Variants in TBL1X observed in about 807,000 individuals in gnomAD.
The protein encoded by TBL1X is F-box-like/WD repeat-containing protein TBL1X.
A neutral mutation model predicts 50.7 loss-of-function variants in TBL1X; 10 were observed. The ratio of observed to expected loss-of-function variants is 0.20; its 90% CI spans 0.12 to 0.33. The LOEUF is 0.33. TBL1X is among the 10% of genes least tolerant of loss of function. The pLI, the probability that TBL1X is intolerant of heterozygous loss-of-function variation, is 1.00. For synonymous variants in TBL1X, 190 were observed against 214.7 expected (o/e 0.88, Z 1.01); for missense variants, 340 against 504.4 (o/e 0.67, Z 3.12).
chrX:9,577,406 C>T (rs756312090), intron 2 of TBL1X, among the ~76,000 whole-genome samples: 25 of 111,926 alleles, frequency 2.2e-4, no homozygotes, highest in Non-Finnish European at 3.4e-4. Flanking sequence ...CTGGAAGAGC[C>T]GGCCCCACCT....
At chrX:9,475,963 G>A (rs2081847080) in intron 1 of TBL1X, among the ~76,000 whole-genome samples, 1 of 112,346 alleles carries the variant, frequency 8.9e-6, no homozygotes, top group African/African-American at 3.2e-5. Flanking sequence ...AGTACTTGTA[G>A]ATTTCCGTGT....
In TBL1X at chrX:9,487,520, GTGGAACAA is replaced by G. The variant is rs1198113334; in HGVS notation, c.-200-14257_-200-14250del. ...TCAAAACCCCAGGTGATTAAGGAAGGTGGAACAATGTTCTGAGATAAGTCAGCCAGAGA... is the reference window on the plus strand; with the variant it reads ...TCAAAACCCCAGGTGATTAAGGAAGGTGTTCTGAGATAAGTCAGCCAGAGA... On this transcript the variant is annotated intron_variant, in intron 1 of 17. Coordinates refer to ENST00000645353, the MANE Select transcript of TBL1X (RefSeq NM_005647.4). 7.1e-5 allele frequency among the ~76,000 whole-genome samples: 8 copies of G among 112,152 alleles called. No individual in the cohort carries two copies. The South Asian group carries it at 2.9e-3, about 41-fold the overall frequency.
At position 9,491,338 on chromosome X, in the gene TBL1X, A is replaced by ATTT. The variant is rs1157943868; in HGVS notation, c.-200-10428_-200-10426dup. ...TATATATATATATATATATATATAT[A>ATTT]TTTTTTTTTTTTTTTTCTTTGAGAC... On this transcript the variant is annotated intron_variant, in intron 1 of 17. Transcript: ENST00000645353. Among the ~76,000 whole-genome samples the ATTT allele has an allele frequency of 6.4e-3, 201 of 31,285 alleles. 8 individuals are homozygous for ATTT. Among genetic ancestry groups the ATTT allele is most frequent in the Non-Finnish European group, 8.5e-3 (151 of 17,737 alleles). The allele number at this position is 31,285 out of a possible 115,157, so 27.2% of individuals were successfully genotyped here.
At chrX:9,605,457 T>C (rs1318868879) in intron 2 of TBL1X, among the ~76,000 whole-genome samples, 1 of 112,689 alleles carries the variant, frequency 8.9e-6, no homozygotes, top group Non-Finnish European at 1.9e-5. Context: ...TCATGCAATA[T>C]GATAGAAGAG....
intron 1 of TBL1X, among the ~76,000 whole-genome samples, chrX:9,477,424 T>C (rs2081855428): frequency 8.9e-6 from 1 of 112,422 alleles, no homozygotes; most frequent in Admixed American, 9.4e-5. Context: ...AAATTCTTTC[T>C]GTCCACACCA....
chrX:9,620,793 C>T (rs2283690), intron 2 of TBL1X, among the ~76,000 whole-genome samples: 8 of 110,336 alleles, frequency 7.3e-5, no homozygotes, highest in African/African-American at 2.7e-4. Flanking sequence ...GGACCTGAAA[C>T]CCCCCAGCAG....
intron 16 of TBL1X, among the ~76,000 whole-genome samples, chrX:9,714,105 C>T (rs1010664990): frequency 8.9e-6 from 1 of 111,911 alleles, no homozygotes; most frequent in African/African-American, 3.3e-5. Flanking sequence ...TGAGCCACCT[C>T]GCCTGGCCTT....
chrX:9,479,041 A>T (rs2081864901), intron 1 of TBL1X, among the ~76,000 whole-genome samples: 1 of 113,100 alleles, frequency 8.8e-6, no homozygotes, highest in Non-Finnish European at 1.9e-5. Flanking sequence ...GTGTACAGAT[A>T]CTGTTTTAAA....
At chrX:9,491,334 ATATAT>A (rs1421057478) in intron 1 of TBL1X, among the ~76,000 whole-genome samples, 19 of 23,379 alleles carry the variant, frequency 8.1e-4, no homozygotes, top group African/African-American at 3.5e-3. Flanking sequence ...ATATATATAT[ATATAT>A]TTTTTTTTTT....
chrX:9,618,164 C>G (rs1271395974), intron 2 of TBL1X, among the ~76,000 whole-genome samples: 1 of 111,494 alleles, frequency 9.0e-6, no homozygotes, highest in African/African-American at 3.3e-5. Context: ...GAGGCGGCGT[C>G]TGACATGTAA....
At chrX:9,490,837 G>A (rs1470621137) in intron 1 of TBL1X, among the ~76,000 whole-genome samples, 3 of 111,756 alleles carry the variant, frequency 2.7e-5, no homozygotes, top group East Asian at 2.8e-4. Flanking sequence ...TAAATGGACC[G>A]TTTATTTGGT....
At chrX:9,703,107 G>A (rs773043768) in intron 12 of TBL1X, among the ~76,000 whole-genome samples, 1 of 111,223 alleles carries the variant, frequency 9.0e-6, no homozygotes, top group Admixed American at 9.5e-5. Context: ...CATTCCTTTT[G>A]ATAGTCAGGG....
In TBL1X at chrX:9,697,569, C is replaced by G. The variant is rs1168790232; in HGVS notation, c.1114+140C>G. 4 of 832,175 alleles carry G rather than the reference C, an allele frequency of 4.8e-6. No individual in the cohort carries two copies. In the African/African-American group the frequency reaches 8.3e-5, roughly 17 times the overall value. The allele number at this position is 832,175 out of a possible 1,213,427, so 68.6% of individuals were successfully genotyped here. On this transcript the variant is annotated intron_variant, in intron 12 of 17. Coordinates refer to ENST00000645353, the MANE Select transcript of TBL1X (RefSeq NM_005647.4). Reference sequence around the variant, plus strand: ...GGTGGATTGCATGAGGTCAGGAGTTCAAGACCAGCCTGGGCAACATGGCAA... The same window carrying G: ...GGTGGATTGCATGAGGTCAGGAGTTGAAGACCAGCCTGGGCAACATGGCAA...
chrX:9,506,300 C>A (rs1216760459), intron 2 of TBL1X, among the ~76,000 whole-genome samples: 1 of 111,427 alleles, frequency 9.0e-6, no homozygotes, highest in African/African-American at 3.3e-5. Flanking sequence ...ACAGCTAAAG[C>A]AGTGTTAATA....
intron 2 of TBL1X, among the ~76,000 whole-genome samples, chrX:9,579,671 A>G (rs1217021192): frequency 8.9e-6 from 1 of 111,813 alleles, no homozygotes; most frequent in East Asian, 2.8e-4. Flanking sequence ...ACTGTAGTGA[A>G]CATCCTTTGT....
intron 2 of TBL1X, among the ~76,000 whole-genome samples, chrX:9,519,339 T>C (rs143795243): frequency 0.033 from 3,698 of 111,487 alleles, 151 homozygotes; most frequent in African/African-American, 0.11. Flanking sequence ...CTCGATCTCC[T>C]GGGCTCAGTG....
intron 3 of TBL1X, among the ~76,000 whole-genome samples, chrX:9,645,712 A>T (rs1265271862): frequency 8.9e-6 from 1 of 111,981 alleles, no homozygotes; most frequent in East Asian, 2.8e-4. Flanking sequence ...AAAGTATTGT[A>T]TATCTGATTG....
intron 5 of TBL1X, among the ~76,000 whole-genome samples, chrX:9,656,788 G>T (rs2082867253): frequency 8.9e-6 from 1 of 112,343 alleles, no homozygotes; most frequent in African/African-American, 3.2e-5. Flanking sequence ...AGGGAGCAAA[G>T]AAATACTTAA....
At chrX:9,484,351 C>G (rs529759909) in intron 1 of TBL1X, among the ~76,000 whole-genome samples, 1 of 110,360 alleles carries the variant, frequency 9.1e-6, no homozygotes, top group Admixed American at 9.6e-5. Context: ...TTTGTGAAAC[C>G]AGCACCACAG....
Sources: allele counts gnomAD v4.1 joint callset (sites outside exome capture counted in the v4.1 genomes callset), GRCh38; gene constraint gnomAD v4.1.1; transcripts MANE v1.5; gene names NCBI Gene and HGNC (gene_info 2026-07-23, HGNC 2026-07-21).